Variants in ANO3 observed in about 807,000 individuals in gnomAD.
ANO3 encodes anoctamin-3.
ANO3 carries 99 observed loss-of-function variants against 144.8 expected under a neutral mutation model. The observed-to-expected ratio is 0.68, with a 90% CI of 0.58 to 0.81. ANO3 has a LOEUF of 0.81. Among genes scored for constraint, ANO3 ranks in the 30% least tolerant of loss-of-function variants. The probability of loss-of-function intolerance (pLI) is 0.00; values close to 1 mark genes in which losing one functional copy is unlikely to be tolerated. For synonymous variants in ANO3, 414 were observed against 392.6 expected (o/e 1.05, Z -0.64); for missense variants, 905 against 1,202.2 (o/e 0.75, Z 3.66).
At chr11:26,654,458 A>G (rs1333357807) in intron 24 of ANO3, among the ~76,000 whole-genome samples, 1 of 152,076 alleles carries the variant, frequency 6.6e-6, no homozygotes, top group Non-Finnish European at 1.5e-5. Flanking sequence ...TTGACCTTGT[A>G]TCTATCTAGT....
chr11:26,311,180 A>G (rs1050807709), intron 1 of ANO3, among the ~76,000 whole-genome samples: 1 of 152,222 alleles, frequency 6.6e-6, no homozygotes, highest in Non-Finnish European at 1.5e-5. Flanking sequence ...GGTATTTATG[A>G]AATTATTCTT....
intron 7 of ANO3, among the ~76,000 whole-genome samples, chr11:26,530,359 G>C (rs1178786948): frequency 1.3e-5 from 2 of 151,810 alleles, no homozygotes; most frequent in East Asian, 3.9e-4. Context: ...CACTAAATGT[G>C]TCACAGTCAT....
At chr11:26,314,116 G>A (rs1348365017) in intron 1 of ANO3, among the ~76,000 whole-genome samples, 1 of 152,062 alleles carries the variant, frequency 6.6e-6, no homozygotes, top group Non-Finnish European at 1.5e-5. Context: ...CTTATCAAGA[G>A]AGTAGCCTTT....
Position 26,639,206 on chromosome 11 carries a change from G to A in ANO3, c.2106G>A (p.Lys702=). ...AGATGGGTGTCATCATGTTTTTGAA[G>A]CAAATATGGAACAACTTCATGGAAC... ...CLQMGVIMFL[K]QIWNNFMELG... The change falls in exon 21 of 27, where the codon AAG becomes AAA. Residue 702 remains lysine (K), a synonymous_variant. Coordinates refer to ENST00000256737, the MANE Select transcript of ANO3 (RefSeq NM_031418.4). 6.2e-7 allele frequency: 1 copy of A among 1,613,524 alleles called. No homozygotes were observed. The highest frequency in any genetic ancestry group is 8.5e-7 in the Non-Finnish European group (1 of 1,179,624).
chr11:26,241,544 ATC>A (rs1852664616), intron 1 of ANO3, among the ~76,000 whole-genome samples: 1 of 152,224 alleles, frequency 6.6e-6, no homozygotes, highest in South Asian at 2.1e-4. Flanking sequence ...CCCATGTATG[ATC>A]TGACACATTT....
intron 17 of ANO3, among the ~76,000 whole-genome samples, chr11:26,603,932 G>A (rs553699814): frequency 1.3e-5 from 2 of 152,138 alleles, no homozygotes; most frequent in African/African-American, 4.8e-5. Flanking sequence ...TCACCTGATG[G>A]CATTTATCAT....
intron 5 of ANO3, among the ~76,000 whole-genome samples, chr11:26,509,437 C>T (rs2134139110): frequency 6.6e-6 from 1 of 152,084 alleles, no homozygotes; most frequent in Admixed American, 6.5e-5. Context: ...CTCAGCCTCC[C>T]AAGTAGCTGG....
chr11:26,595,475 T>TTTTTG (rs1554975360), intron 14 of ANO3, among the ~76,000 whole-genome samples: 9 of 146,986 alleles, frequency 6.1e-5, no homozygotes, highest in African/African-American at 2.3e-4. Flanking sequence ...TTTTTTTTTT[T>TTTTTG]TTTTTTTTTT....
At chr11:26,189,377 T>G in intron 1 of ANO3, 1 of 944,028 alleles carries the variant, frequency 1.1e-6, no homozygotes, top group Non-Finnish European at 1.3e-6. Flanking sequence ...TAACTTATGT[T>G]TGTACTTCTT....
At chr11:26,563,383 G>A (rs1000115096) in intron 14 of ANO3, 8 of 1,025,014 alleles carry the variant, frequency 7.8e-6, no homozygotes, top group Non-Finnish European at 1.1e-5. Context: ...AGATAATGGT[G>A]TGTTTCTCTC....
intron 4 of ANO3, among the ~76,000 whole-genome samples, chr11:26,503,820 T>G (rs561945994): frequency 1.3e-5 from 2 of 152,248 alleles, no homozygotes; most frequent in East Asian, 3.9e-4. Flanking sequence ...GGATAATAAT[T>G]GTTAGCGTTC....
At chr11:26,510,585 A>T (rs1439698248) in intron 5 of ANO3, among the ~76,000 whole-genome samples, 1 of 152,224 alleles carries the variant, frequency 6.6e-6, no homozygotes, top group Non-Finnish European at 1.5e-5. Flanking sequence ...TTTTTCTCAC[A>T]TATCTCAAAC....
At chr11:26,333,057 T>A (rs17243266) in intron 1 of ANO3, among the ~76,000 whole-genome samples, 4,097 of 152,290 alleles carry the variant, frequency 0.027, 72 homozygotes, top group Non-Finnish European at 0.042. Flanking sequence ...ACATTCACAG[T>A]TTTTGGAGTT....
At chr11:26,325,822 G>A (rs976686667) in intron 1 of ANO3, among the ~76,000 whole-genome samples, 9 of 152,170 alleles carry the variant, frequency 5.9e-5, no homozygotes, top group South Asian at 2.1e-4. Flanking sequence ...GCCAGAGTGC[G>A]TGAAATTCTC....
chr11:26,220,463 A>G (rs1254454431), intron 1 of ANO3, among the ~76,000 whole-genome samples: 1 of 152,156 alleles, frequency 6.6e-6, no homozygotes, highest in African/African-American at 2.4e-5. Context: ...GTGCCTCTAC[A>G]ATACCTAAGA....
At chr11:26,488,710 C>T (rs960954158) in intron 4 of ANO3, among the ~76,000 whole-genome samples, 11 of 152,094 alleles carry the variant, frequency 7.2e-5, no homozygotes, top group Admixed American at 2.6e-4. Context: ...TGCAGACCTT[C>T]GCAGTGAGTG....
At chr11:26,351,877 T>A (rs61306582) in intron 1 of ANO3, among the ~76,000 whole-genome samples, 1 of 152,086 alleles carries the variant, frequency 6.6e-6, no homozygotes, top group African/African-American at 2.4e-5. Flanking sequence ...CGCACTAATA[T>A]CCCTTGATTG....
intron 4 of ANO3, among the ~76,000 whole-genome samples, chr11:26,489,768 G>T (rs1311684609): frequency 6.6e-6 from 1 of 152,168 alleles, no homozygotes; most frequent in Non-Finnish European, 1.5e-5. Flanking sequence ...ACTTGCATGG[G>T]CCCTGTAACC....
At chr11:26,642,446 G>T (rs1853194589) in intron 22 of ANO3, among the ~76,000 whole-genome samples, 1 of 147,290 alleles carries the variant, frequency 6.8e-6, no homozygotes, top group African/African-American at 2.5e-5. Context: ...CCACCTCCTG[G>T]GTTCAAGCGA....
Sources: allele counts gnomAD v4.1 joint callset (sites outside exome capture counted in the v4.1 genomes callset), GRCh38; gene constraint gnomAD v4.1.1; transcripts MANE v1.5; gene names NCBI Gene and HGNC (gene_info 2026-07-23, HGNC 2026-07-21).